The following PKD2 variants were observed in gnomAD, a reference collection of about 807,000 sequenced individuals.
PKD2 encodes polycystin 2, transient receptor potential cation channel.
A neutral mutation model predicts 105.9 loss-of-function variants in PKD2; 48 were observed. That is an observed-to-expected ratio of 0.45 (90% CI 0.36 to 0.58). PKD2 has a LOEUF of 0.58. Among genes scored for constraint, PKD2 ranks in the 20% least tolerant of loss-of-function variants. PKD2 has a pLI of 0.00. For missense variants in PKD2, 1,078 were observed against 1,255.3 expected (o/e 0.86, Z 2.13); for synonymous variants, 464 against 481.1 (o/e 0.96, Z 0.46).
At chr4:88,064,086 C>T (rs1720688292) in intron 10 of PKD2, among the ~76,000 whole-genome samples, 2 of 152,092 alleles carry the variant, frequency 1.3e-5, no homozygotes, top group South Asian at 4.1e-4. Flanking sequence ...ACCAGGGAGG[C>T]GGAGGTTGCA....
rs1720755372 is a variant in PKD2, at chr4:88,065,432, CAG to C, written c.2182_2183del (p.Leu729AlafsTer10). ...AAAAAAAATACCGTGGATGACATTT[CAG>C]AGAGTCTGCGGCAAGGAGGAGGCAA... is the stretch of plus-strand genomic sequence containing the variant. On this transcript the variant is annotated frameshift_variant, in exon 11 of 15. Coordinates refer to ENST00000237596, the MANE Select transcript of PKD2 (RefSeq NM_000297.4). LOFTEE classifies it high-confidence loss of function. 1.2e-6 allele frequency: 2 copies of C among 1,612,702 alleles called. No homozygotes were observed. Among genetic ancestry groups the C allele is most frequent in the South Asian group, 1.1e-5 (1 of 91,056 alleles).
intron 2 of PKD2, among the ~76,000 whole-genome samples, chr4:88,026,142 G>T (rs530694179): frequency 1.3e-5 from 2 of 152,310 alleles, no homozygotes; most frequent in South Asian, 4.1e-4. Context: ...AGTTTGGAGG[G>T]CTCAGAAGAA....
chr4:88,015,956 C>T (rs2110086368), intron 1 of PKD2, among the ~76,000 whole-genome samples: 1 of 152,216 alleles, frequency 6.6e-6, no homozygotes, highest in Middle Eastern at 3.4e-3. Flanking sequence ...TTCCACAGAC[C>T]TGGGGTAGGA....
intron 2 of PKD2, among the ~76,000 whole-genome samples, chr4:88,030,766 C>G (rs1727118198): frequency 6.6e-6 from 1 of 152,218 alleles, no homozygotes; most frequent in African/African-American, 2.4e-5. Flanking sequence ...ACCGCCCTTG[C>G]AGGGATGGGA....
intron 1 of PKD2, among the ~76,000 whole-genome samples, chr4:88,012,464 A>G (rs1355231460): frequency 2.0e-5 from 1 of 50,928 alleles, no homozygotes; most frequent in Non-Finnish European, 3.5e-5. Flanking sequence ...TAGGACATGC[A>G]GGATAATCAT....
intron 1 of PKD2, among the ~76,000 whole-genome samples, chr4:88,015,522 C>T (rs1726530083): frequency 6.6e-6 from 1 of 152,292 alleles, no homozygotes; most frequent in Middle Eastern, 3.4e-3. Flanking sequence ...AAGCGATTCT[C>T]CTGCCTCAGC....
chr4:88,067,257 A>G (rs1214915530), intron 12 of PKD2, among the ~76,000 whole-genome samples: 1 of 152,242 alleles, frequency 6.6e-6, no homozygotes, highest in African/African-American at 2.4e-5. Context: ...GTATAATGCA[A>G]ACATTCCAAA....
At position 88,068,073 on chromosome 4, in the gene PKD2, G is replaced by A; in HGVS notation, c.2522+12G>A. ...GAAGAGTTTCAAGTGTAAGTATAAA[G>A]GAATTGGCAGAATTTGCGTTGACAA... is the stretch of plus-strand genomic sequence containing the variant. On this transcript the variant is annotated intron_variant, in intron 13 of 14. Coordinates refer to ENST00000237596, the MANE Select transcript of PKD2 (RefSeq NM_000297.4). 1 of 1,612,642 alleles carries A rather than the reference G, an allele frequency of 6.2e-7. No individual in the cohort carries two copies. The highest frequency in any genetic ancestry group is 1.7e-5 in the Admixed American group (1 of 60,012).
intron 10 of PKD2, 151 bp from the exon 11 acceptor site, chr4:88,065,223 G>T (rs1720745750): frequency 1.4e-6 from 1 of 726,042 alleles, no homozygotes; most frequent in South Asian, 1.6e-5. Flanking sequence ...TGGAAAACTG[G>T]ATACATTAAT....
chr4:88,022,792 A>T (rs1194145862), intron 2 of PKD2, among the ~76,000 whole-genome samples: 1 of 152,210 alleles, frequency 6.6e-6, no homozygotes, highest in Non-Finnish European at 1.5e-5. Context: ...TTTATAAAAA[A>T]AGAGGTTTGG....
At chr4:88,041,870 A>G (rs1727577306) in intron 4 of PKD2, among the ~76,000 whole-genome samples, 1 of 152,184 alleles carries the variant, frequency 6.6e-6, no homozygotes, top group Non-Finnish European at 1.5e-5. Context: ...AAGAAAGGCC[A>G]TCTCAGGCCT....
chr4:88,058,194 TTAAA>T (rs1720434744), intron 9 of PKD2, 91 bp downstream of exon 9: 7 of 819,098 alleles, frequency 8.5e-6, no homozygotes, highest in Non-Finnish European at 1.4e-5. Flanking sequence ...CCTATCAATT[TTAAA>T]TAAAGACCCA....
rs76951105 is a variant in PKD2, at chr4:88,019,871, G to T, written c.709+300G>T. Among the ~76,000 whole-genome samples the T allele has an allele frequency of 0.041, 6,217 of 152,282 alleles. 149 individuals carry two copies. Among genetic ancestry groups the T allele is most frequent in the South Asian group, 0.099 (475 of 4,818 alleles). On this transcript the variant is annotated intron_variant, in intron 2 of 14. Transcript: ENST00000237596. ...TATATAAGAAAGAATTTTTCTAATT[G>T]TGACTAAATTGTGACCAAATGCTAA...
intron 2 of PKD2, among the ~76,000 whole-genome samples, chr4:88,032,542 A>G (rs1727200463): frequency 6.6e-6 from 1 of 152,244 alleles, no homozygotes; most frequent in South Asian, 2.1e-4. Context: ...CAAGGATTAA[A>G]TAGCAGAAGA....
At chr4:88,043,118 C>G in intron 4 of PKD2, 115 bp from the exon 5 acceptor site, 3 of 723,178 alleles carry the variant, frequency 4.1e-6, no homozygotes, top group Non-Finnish European at 7.4e-6. Context: ...GCACAGTACC[C>G]AGCTTGATAG....
chr4:88,030,994 A>T (rs1727126179), intron 2 of PKD2, among the ~76,000 whole-genome samples: 1 of 152,130 alleles, frequency 6.6e-6, no homozygotes, highest in Admixed American at 6.5e-5. Context: ...CGATGGTTCG[A>T]TTTATGATTT....
At chr4:88,008,880 T>G (rs779581416) in intron 1 of PKD2, among the ~76,000 whole-genome samples, 1 of 152,154 alleles carries the variant, frequency 6.6e-6, no homozygotes, top group Non-Finnish European at 1.5e-5. Flanking sequence ...TGTGTGTGGT[T>G]GTTTTGAGGA....
Position 88,065,799 on chromosome 4 carries a change from A to G in PKD2, c.2278A>G (p.Thr760Ala). 1 of 1,613,616 alleles carries G rather than the reference A, an allele frequency of 6.2e-7. No homozygotes were observed. The highest frequency in any genetic ancestry group is 8.5e-7 in the Non-Finnish European group (1 of 1,179,504). Residue 760 changes from threonine to alanine, a missense_variant, in exon 12 of 15, where the codon ACA becomes GCA. Thr to Ala is a moderately conservative substitution (Grantham distance 58, BLOSUM62 0). Transcript: ENST00000237596. ...TGATGCAGAGATTGAGGCAATATTC[A>G]CAAAGTACGACCAAGATGGAGACCA... ...HTDAEIEAIF[T>A]KYDQDGDQEL...
At chr4:88,010,204 C>T (rs1055118627) in intron 1 of PKD2, among the ~76,000 whole-genome samples, 1 of 152,018 alleles carries the variant, frequency 6.6e-6, no homozygotes, top group African/African-American at 2.4e-5. Flanking sequence ...AAGCTGCCCT[C>T]CCACCTCAGC....
Sources: gnomAD v4.1 joint callset for allele counts (sites outside exome capture counted in the v4.1 genomes callset) on GRCh38, gnomAD v4.1.1 for gene constraint, MANE v1.5 for transcripts, NCBI Gene and HGNC (gene_info 2026-07-23, HGNC 2026-07-21) for gene names.